BTBD2: variants seen among roughly 807,000 people sequenced by gnomAD.
The protein encoded by BTBD2 is BTB/POZ domain-containing protein 2.
BTBD2 carries 15 observed loss-of-function variants against 44.0 expected under a neutral mutation model. The ratio of observed to expected loss-of-function variants is 0.34; its 90% confidence interval spans 0.23 to 0.53. The LOEUF (loss-of-function observed/expected upper bound fraction) is 0.53, where lower values mean the gene tolerates loss of function less well. BTBD2 is among the 20% of genes least tolerant of loss of function. The probability of loss-of-function intolerance (pLI) is 0.95; values close to 1 mark genes in which losing one functional copy is unlikely to be tolerated. For missense variants in BTBD2, 657 were observed against 746.4 expected, an observed-to-expected ratio of 0.88 and a Z score of 1.39; for synonymous variants, 443 against 335.9, an observed-to-expected ratio of 1.32 and a Z score of -3.49.
At chr19:1,997,541 G>A in intron 1 of BTBD2, 78 bp from the exon 2 acceptor site, 1 of 1,586,086 alleles carries the variant, frequency 6.3e-7, no homozygotes, top group Non-Finnish European at 8.6e-7. Context: ...CGGTATCCTG[G>A]GTGACCACCC....
chr19:1,990,810 C>A lies in BTBD2; in HGVS notation c.697G>T (p.Asp233Tyr). 1 of 1,571,672 alleles carries A rather than the reference C, an allele frequency of 6.4e-7. No homozygotes were observed. The highest frequency in any genetic ancestry group is 8.6e-7 in the Non-Finnish European group (1 of 1,161,096). The change falls in exon 4 of 9, where the codon GAT becomes TAT. Residue 233 changes from aspartate to tyrosine, a missense_variant. Coordinates refer to ENST00000255608, the MANE Select transcript of BTBD2 (RefSeq NM_017797.4). Reference sequence around the variant, plus strand: ...CACAGGCTGGCCAGCTGCGGTTCATCGAAGAGTCGCGCCTGGCAAGAGACA... The same window carrying A: ...CACAGGCTGGCCAGCTGCGGTTCATAGAAGAGTCGCGCCTGGCAAGAGACA... ...FMLLTQARLF[D>Y]EPQLASLCLE...
chr19:2,005,645 A>G (rs8100043), intron 1 of BTBD2, among the ~76,000 whole-genome samples: 30,747 of 151,636 alleles, frequency 0.2, 3,539 homozygotes, highest in East Asian at 0.3. Context: ...AGTCAGGTGC[A>G]GTGGCCGGAG....
chr19:1,993,369 C>T (rs1308090960), intron 2 of BTBD2, among the ~76,000 whole-genome samples, 193 bp from the exon 3 acceptor site: 1 of 152,172 alleles, frequency 6.6e-6, no homozygotes, highest in South Asian at 2.1e-4. Flanking sequence ...CATAGGGACA[C>T]GACTTGGCAA....
chr19:1,998,976 C>T lies in BTBD2; in HGVS notation c.408-1513G>A, dbSNP rs552889336. Among the ~76,000 whole-genome samples, 8 of 152,306 alleles carry T rather than the reference C, an allele frequency of 5.3e-5. No homozygotes were observed. In the East Asian group the frequency reaches 1.3e-3, roughly 26 times the overall value. On this transcript the variant is annotated intron_variant, in intron 1 of 8. Coordinates refer to ENST00000255608, the MANE Select transcript of BTBD2 (RefSeq NM_017797.4). ...CGGCTCTCAACAGCCTCCCCACGCC[C>T]GGAAAGCTCCGGAGCTACAGGTGGT...
At chr19:1,996,564 A>G (rs1456176203) in intron 2 of BTBD2, among the ~76,000 whole-genome samples, 12 of 149,068 alleles carry the variant, frequency 8.1e-5, no homozygotes, top group African/African-American at 3.0e-4. Context: ...AAAAAAAAAG[A>G]AGGAAAGAAA....
chr19:1,999,561 G>A (rs1163971762), intron 1 of BTBD2, among the ~76,000 whole-genome samples: 5 of 152,084 alleles, frequency 3.3e-5, no homozygotes, highest in Non-Finnish European at 7.4e-5. Context: ...AGCGACTCAG[G>A]AGGCTGAGGC....
chr19:2,002,480 C>T (rs371235900), intron 1 of BTBD2: 2 of 152,264 alleles, frequency 1.3e-5, no homozygotes, highest in East Asian at 1.9e-4. Flanking sequence ...CCTGGGGACT[C>T]GCCCCTGCAA....
chr19:2,007,836 A>G (rs1173526252), intron 1 of BTBD2, among the ~76,000 whole-genome samples: 1 of 151,986 alleles, frequency 6.6e-6, no homozygotes, highest in Non-Finnish European at 1.5e-5. Context: ...TCAAAAAATA[A>G]TAAAACAAAA....
At chr19:1,998,883 G>A (rs1172573868) in intron 1 of BTBD2, among the ~76,000 whole-genome samples, 3 of 152,108 alleles carry the variant, frequency 2.0e-5, no homozygotes, top group Admixed American at 1.3e-4. Flanking sequence ...CCTGCCCCAG[G>A]ACGTTGCGGT....
chr19:1,990,687 AT>A, intron 4 of BTBD2, 29 bp downstream of exon 4: 5 of 1,562,288 alleles, frequency 3.2e-6, no homozygotes, highest in Non-Finnish European at 4.3e-6. Context: ...CCCCGCTGGG[AT>A]TCCCACACCT....
chr19:1,996,710 G>A (rs971945684), intron 2 of BTBD2, among the ~76,000 whole-genome samples: 1 of 151,422 alleles, frequency 6.6e-6, no homozygotes, highest in African/African-American at 2.4e-5. Context: ...ATAGAGAAAC[G>A]CTGTCTCTAC....
At chr19:1,993,250 C>G (rs1490548044) in intron 2 of BTBD2, 74 bp from the exon 3 acceptor site, 25 of 1,509,074 alleles carry the variant, frequency 1.7e-5, no homozygotes, top group Non-Finnish European at 8.8e-7. Flanking sequence ...CAGGGGACCA[C>G]TCAGACCGTT....
intron 1 of BTBD2, among the ~76,000 whole-genome samples, chr19:2,013,021 C>T (rs1244156675): frequency 2.0e-5 from 3 of 152,174 alleles, no homozygotes; most frequent in Non-Finnish European, 4.4e-5. Flanking sequence ...AGAGGCCCAG[C>T]AGCTAAGGAC....
chr19:1,986,418 CCAG>C lies in BTBD2; in HGVS notation c.*67_*69del. 6.3e-7 allele frequency: 1 copy of C among 1,586,682 alleles called. No homozygotes were observed. The highest frequency in any genetic ancestry group is 1.1e-5 in the South Asian group (1 of 88,380). On this transcript the variant is annotated 3_prime_UTR_variant, in exon 9 of 9. Coordinates refer to ENST00000255608, the MANE Select transcript of BTBD2 (RefSeq NM_017797.4). ...CCTGGCACCGCGTGGTGGGGGGGCC[CCAG>C]CAGCAGATGATGGCCTGGGGCTGCG...
At chr19:1,993,971 T>TG (rs1426585446) in intron 2 of BTBD2, among the ~76,000 whole-genome samples, 2 of 110,032 alleles carry the variant, frequency 1.8e-5, no homozygotes, top group African/African-American at 3.6e-5. Context: ...CACTCCAGCC[T>TG]GGAGACAGAG....
At chr19:2,015,030 C>G (rs1344140469) in intron 1 of BTBD2, among the ~76,000 whole-genome samples, 1 of 146,946 alleles carries the variant, frequency 6.8e-6, no homozygotes, top group African/African-American at 2.5e-5. Context: ...GGGTGCAGGC[C>G]GGGTCGGTTT....
At chr19:2,008,608 T>TTTTTTTTTTTTTTTTTTTTAG (rs2016424753) in intron 1 of BTBD2, among the ~76,000 whole-genome samples, 1 of 149,018 alleles carries the variant, frequency 6.7e-6, no homozygotes, top group African/African-American at 2.5e-5. Context: ...TTTTTTTTTT[T>TTTTTTTTTTTTTTTTTTTTAG]AGGGACAGAG....
intron 1 of BTBD2, among the ~76,000 whole-genome samples, chr19:2,000,182 A>G (rs1476273248): frequency 6.6e-6 from 1 of 151,892 alleles, no homozygotes; most frequent in Non-Finnish European, 1.5e-5. Context: ...GGATGAACCC[A>G]CTGAGTTTGA....
At chr19:1,992,924 CGG>C in intron 3 of BTBD2, 94 bp downstream of exon 3, 6 of 1,042,940 alleles carry the variant, frequency 5.8e-6, no homozygotes, top group Non-Finnish European at 6.2e-6. Flanking sequence ...GGCCCGCCCC[CGG>C]CCCCGCCTCC....
Sources: gnomAD v4.1 joint callset for allele counts (sites outside exome capture counted in the v4.1 genomes callset) on GRCh38, gnomAD v4.1.1 for gene constraint, MANE v1.5 for transcripts, NCBI Gene and HGNC (gene_info 2026-07-23, HGNC 2026-07-21) for gene names.